CATSPER3: variants seen among roughly 807,000 people sequenced by gnomAD.
CATSPER3 encodes cation channel sperm associated 3, also known as cation channel sperm-associated protein 3.
Under a neutral mutation model 36.6 loss-of-function variants are expected in CATSPER3, and 23 were observed. That is an observed-to-expected ratio of 0.63 (90% CI 0.45 to 0.89). CATSPER3 has a LOEUF of 0.89. Among genes scored for constraint, CATSPER3 ranks in the 40% least tolerant of loss-of-function variants. The pLI, the probability that CATSPER3 is intolerant of heterozygous loss-of-function variation, is 0.00. For synonymous variants in CATSPER3, 172 were observed against 184.1 expected (o/e 0.93, Z 0.53); for missense variants, 474 against 503.9 (o/e 0.94, Z 0.57).
intron 2 of CATSPER3, among the ~76,000 whole-genome samples, chr5:134,976,875 G>C (rs1751681769): frequency 6.6e-6 from 1 of 152,232 alleles, no homozygotes; most frequent in Admixed American, 6.5e-5. Context: ...CCAAAGTCAT[G>C]GCCCCAGCAA....
chr5:135,011,546 G>A lies in CATSPER3; in HGVS notation c.1120G>A (p.Val374Met), dbSNP rs747946239. 2.0e-5 allele frequency: 32 copies of A among 1,613,802 alleles called. No individual in the cohort carries two copies. In the Middle Eastern group the frequency reaches 1.8e-3, roughly 91 times the overall value. The change falls in exon 8 of 8, where the codon GTG (valine) becomes ATG (methionine). Residue 374 changes from valine to methionine, a missense_variant. By Grantham distance (21) the Val-to-Met change is conservative (BLOSUM62 1). Coordinates refer to ENST00000282611, the MANE Select transcript of CATSPER3 (RefSeq NM_178019.3). ...HKLQELYYEI[V>M]HVLSLMLEDL... ...GCTTCAAGAGCTGTACTATGAGATCGTGCATGTGCTGAGCCTAATGCTGGA... is the reference window on the plus strand; with the variant it reads ...GCTTCAAGAGCTGTACTATGAGATCATGCATGTGCTGAGCCTAATGCTGGA...
At chr5:134,978,470 A>G (rs1751705878) in intron 2 of CATSPER3, among the ~76,000 whole-genome samples, 1 of 149,712 alleles carries the variant, frequency 6.7e-6, no homozygotes, top group African/African-American at 2.4e-5. Flanking sequence ...GTTAAAAAAC[A>G]AAACACAATC....
intron 2 of CATSPER3, among the ~76,000 whole-genome samples, chr5:134,981,747 A>C (rs1331377599): frequency 6.6e-6 from 1 of 152,226 alleles, no homozygotes; most frequent in African/African-American, 2.4e-5. Flanking sequence ...GCAATCAAAG[A>C]AACAAAAATG....
intron 3 of CATSPER3, among the ~76,000 whole-genome samples, chr5:135,006,737 C>T (rs933615642): frequency 1.3e-5 from 2 of 150,380 alleles, no homozygotes; most frequent in African/African-American, 4.9e-5. Flanking sequence ...ACTTGGGAGG[C>T]TGAGGCAGGA....
intron 3 of CATSPER3, among the ~76,000 whole-genome samples, chr5:135,003,124 G>A (rs1482973487): frequency 2.0e-5 from 3 of 152,138 alleles, no homozygotes; most frequent in Admixed American, 6.5e-5. Context: ...CTTACAGATG[G>A]GGTTTTGGTG....
chr5:135,006,632 C>T (rs564432455), intron 3 of CATSPER3, among the ~76,000 whole-genome samples: 15 of 151,880 alleles, frequency 9.9e-5, no homozygotes, highest in South Asian at 6.3e-4. Flanking sequence ...GTCGGGAGAT[C>T]GAGACCATCC....
chr5:134,968,115 T>C (rs1261511672), intron 1 of CATSPER3, 26 bp downstream of exon 1: 2 of 1,470,140 alleles, frequency 1.4e-6, no homozygotes, highest in Non-Finnish European at 1.9e-6. Flanking sequence ...CTCCATTGCC[T>C]GTTAAGAAAT....
chr5:135,008,230 G>GAGGAAAGCCCCATGTGA, intron 4 of CATSPER3, 91 bp downstream of exon 4: 1 of 1,077,346 alleles, frequency 9.3e-7, no homozygotes, highest in Non-Finnish European at 1.4e-6. Context: ...GGCCTCACAT[G>GAGGAAAGCCCCATGTGA]GGGCTTTCCT....
At chr5:134,980,008 G>T (rs1436202749) in intron 2 of CATSPER3, among the ~76,000 whole-genome samples, 1 of 111,240 alleles carries the variant, frequency 9.0e-6, no homozygotes, top group East Asian at 2.8e-4. Flanking sequence ...TTGAGACAAA[G>T]TCTTACTCTG....
In CATSPER3 at chr5:134,978,905, G is replaced by T. The variant is rs145450738; in HGVS notation, c.252+8813G>T. ...CGGCTAATTTATTTTTGTATTTTTA[G>T]TAGAGACGGGGTTTCACCATGTTAG... On this transcript the variant is annotated intron_variant, in intron 2 of 7. Transcript: ENST00000282611. 2.7e-3 allele frequency among the ~76,000 whole-genome samples: 411 copies of T among 151,800 alleles called. 2 individuals are homozygous for T. Among genetic ancestry groups the T allele is most frequent in the African/African-American group, 9.4e-3 (388 of 41,398 alleles).
chr5:134,976,783 A>G (rs1751680771), intron 2 of CATSPER3, among the ~76,000 whole-genome samples: 1 of 152,196 alleles, frequency 6.6e-6, no homozygotes, highest in South Asian at 2.1e-4. Flanking sequence ...AAGCTGCTAA[A>G]CCTCCATCAC....
intron 3 of CATSPER3, among the ~76,000 whole-genome samples, chr5:135,007,097 C>T (rs1015658214): frequency 1.1e-4 from 16 of 152,104 alleles, no homozygotes; most frequent in African/African-American, 3.9e-4. Flanking sequence ...AGTACTAAGC[C>T]AGTAAACAGT....
chr5:135,008,811 C>T (rs1446481052), intron 4 of CATSPER3, 30 bp from the exon 5 acceptor site: 4 of 1,610,672 alleles, frequency 2.5e-6, no homozygotes, highest in Non-Finnish European at 3.4e-6. Flanking sequence ...TGGGTCTGGG[C>T]CCTCAGCATA....
At position 135,008,897 on chromosome 5, in the gene CATSPER3, C is replaced by T; in HGVS notation, c.732C>T (p.Ser244=). ...KQLDNREFAL[S]RAFTIIFILL... is the part of the protein sequence containing the mutation. ...TGGACAATCGGGAATTTGCTTTGAG[C>T]CGGGCATTCACCATCATCTTCATCT... The change falls in exon 5 of 8, where the codon AGC becomes AGT. Residue 244 remains serine (S), a synonymous_variant. Coordinates refer to ENST00000282611, the MANE Select transcript of CATSPER3 (RefSeq NM_178019.3). 1 of 1,614,020 alleles carries T rather than the reference C, an allele frequency of 6.2e-7. No individual in the cohort carries two copies. Among genetic ancestry groups the T allele is most frequent in the Non-Finnish European group, 8.5e-7 (1 of 1,179,944 alleles).
chr5:134,998,027 C>T (rs960913960), intron 3 of CATSPER3, among the ~76,000 whole-genome samples: 1 of 152,152 alleles, frequency 6.6e-6, no homozygotes, highest in Non-Finnish European at 1.5e-5. Flanking sequence ...CACCCATTAA[C>T]TTGTCATTTA....
intron 2 of CATSPER3, among the ~76,000 whole-genome samples, chr5:134,995,381 T>C (rs957139965): frequency 6.6e-6 from 1 of 152,220 alleles, no homozygotes; most frequent in Non-Finnish European, 1.5e-5. Context: ...CATGTGATAT[T>C]TGTCCTTCTG....
At chr5:134,975,524 G>A (rs1705625285) in intron 2 of CATSPER3, among the ~76,000 whole-genome samples, 1 of 152,192 alleles carries the variant, frequency 6.6e-6, no homozygotes, top group African/African-American at 2.4e-5. Context: ...GAGGTAAGAG[G>A]ATTGCTTGAG....
At chr5:134,972,629 A>G (rs1751620758) in intron 2 of CATSPER3, among the ~76,000 whole-genome samples, 1 of 152,196 alleles carries the variant, frequency 6.6e-6, no homozygotes, top group African/African-American at 2.4e-5. Context: ...GAAAATGATG[A>G]ACATCGAAGA....
intron 3 of CATSPER3, among the ~76,000 whole-genome samples, chr5:135,005,807 G>T (rs1752078985): frequency 6.6e-6 from 1 of 152,212 alleles, no homozygotes; most frequent in Admixed American, 6.5e-5. Context: ...TCAGATGCTG[G>T]GCTGTGATGT....
Sources: gnomAD v4.1 joint callset for allele counts (sites outside exome capture counted in the v4.1 genomes callset) on GRCh38, gnomAD v4.1.1 for gene constraint, MANE v1.5 for transcripts, NCBI Gene and HGNC (gene_info 2026-07-23, HGNC 2026-07-21) for gene names.